The following MRPS28 variants were observed in gnomAD, a reference collection of about 807,000 sequenced individuals.
MRPS28 encodes mitochondrial ribosomal protein S28, also known as small ribosomal subunit protein bS1m.
Under a neutral mutation model 10.8 loss-of-function variants are expected in MRPS28, and 7 were observed. The observed-to-expected ratio is 0.65, with a 90% CI of 0.37 to 1.22. The LOEUF (loss-of-function observed/expected upper bound fraction) is 1.22, where lower values mean the gene tolerates loss of function less well. Among genes scored for constraint, MRPS28 ranks in the 50% most tolerant of loss-of-function variants. The pLI is 0.02. For synonymous variants in MRPS28, 121 were observed against 93.3 expected (o/e 1.30, Z -1.71); for missense variants, 265 against 232.9 (o/e 1.14, Z -0.90).
intron 2 of MRPS28, among the ~76,000 whole-genome samples, chr8:79,951,578 C>T (rs964117945): frequency 2.0e-5 from 3 of 152,154 alleles, no homozygotes; most frequent in African/African-American, 4.8e-5. Flanking sequence ...CAGCCAGCCC[C>T]GGCAGATCTT....
At chr8:79,934,174 T>G (rs1167340904) in intron 2 of MRPS28, among the ~76,000 whole-genome samples, 1 of 152,182 alleles carries the variant, frequency 6.6e-6, no homozygotes, top group Non-Finnish European at 1.5e-5. Context: ...CAGTGTAATC[T>G]GGTTTCAATT....
chr8:80,013,842 G>C (rs1809125926), intron 1 of MRPS28, among the ~76,000 whole-genome samples: 1 of 151,994 alleles, frequency 6.6e-6, no homozygotes, highest in Non-Finnish European at 1.5e-5. Flanking sequence ...GCTCGCAACA[G>C]AGTTCTTTTA....
rs756512452 is a variant in MRPS28 at position 80,030,236 on chromosome 8, A to T, written c.13T>A (p.Cys5Ser). 4 of 1,614,000 alleles carry T rather than the reference A, an allele frequency of 2.5e-6. No homozygotes were observed. Among genetic ancestry groups the T allele is most frequent in the Non-Finnish European group, 3.4e-6 (4 of 1,180,016 alleles). The change falls in exon 1 of 3, where the codon TGT becomes AGT. Residue 5 changes from cysteine (C) to serine (S), a missense_variant. Coordinates refer to ENST00000276585, the MANE Select transcript of MRPS28 (RefSeq NM_014018.3). MAAL[C>S]RTRAVAAESH... The stretch of plus-strand genomic sequence containing the variant: ...TCGGCAGCCACAGCACGGGTCCGAC[A>T]CAGCGCCGCCATGACTTCTTTACCT...
chr8:79,949,327 T>A (rs1031791658), intron 2 of MRPS28, among the ~76,000 whole-genome samples: 24 of 150,326 alleles, frequency 1.6e-4, no homozygotes, highest in Non-Finnish European at 3.4e-4. Flanking sequence ...AGCAGGAGAA[T>A]CGCTTGAACC....
At chr8:79,947,529 A>G (rs1806950578) in intron 2 of MRPS28, among the ~76,000 whole-genome samples, 1 of 151,910 alleles carries the variant, frequency 6.6e-6, no homozygotes, top group Non-Finnish European at 1.5e-5. Flanking sequence ...GATTCCTTCT[A>G]ATCATCTCTC....
intron 2 of MRPS28, among the ~76,000 whole-genome samples, chr8:79,955,780 G>A (rs1807191093): frequency 6.6e-6 from 1 of 152,094 alleles, no homozygotes; most frequent in African/African-American, 2.4e-5. Context: ...TCAAAACAAA[G>A]GTTTTGGTTG....
intron 2 of MRPS28, among the ~76,000 whole-genome samples, chr8:79,959,916 G>A (rs1438907894): frequency 6.6e-6 from 1 of 152,042 alleles, no homozygotes; most frequent in African/African-American, 2.4e-5. Context: ...TTCTCTTCTT[G>A]AAAAAGCACA....
At chr8:79,920,361 G>C (rs1247090793) in intron 2 of MRPS28, among the ~76,000 whole-genome samples, 1 of 152,122 alleles carries the variant, frequency 6.6e-6, no homozygotes, top group South Asian at 2.1e-4. Context: ...TTGAGGAATT[G>C]CCACACTGTC....
At chr8:79,999,010 C>A (rs1436492061) in intron 2 of MRPS28, among the ~76,000 whole-genome samples, 1 of 151,964 alleles carries the variant, frequency 6.6e-6, no homozygotes. Context: ...TAGCATTATT[C>A]AACTACACAA....
chr8:80,009,961 A>G (rs1037034176), intron 1 of MRPS28, among the ~76,000 whole-genome samples: 1 of 152,208 alleles, frequency 6.6e-6, no homozygotes, highest in African/African-American at 2.4e-5. Context: ...ATCAGTCTGA[A>G]CATGAGTTCC....
At chr8:79,973,185 T>C (rs1807681630) in intron 2 of MRPS28, among the ~76,000 whole-genome samples, 2 of 152,216 alleles carry the variant, frequency 1.3e-5, no homozygotes, top group Admixed American at 6.5e-5. Flanking sequence ...CAACTGTACA[T>C]TCTGGATGTC....
At chr8:80,002,922 C>G in intron 2 of MRPS28, 77 bp downstream of exon 2, 1 of 1,208,680 alleles carries the variant, frequency 8.3e-7, no homozygotes, top group Non-Finnish European at 1.1e-6. Context: ...AAAAAATCAC[C>G]TTTCATTCAA....
chr8:80,005,210 G>A (rs1269311033), intron 1 of MRPS28, among the ~76,000 whole-genome samples: 1 of 152,120 alleles, frequency 6.6e-6, no homozygotes. Context: ...TGAAATGAAG[G>A]AAAAAATGTT....
At chr8:79,945,173 C>G (rs1167826183) in intron 2 of MRPS28, among the ~76,000 whole-genome samples, 2 of 152,048 alleles carry the variant, frequency 1.3e-5, no homozygotes, top group East Asian at 1.9e-4. Flanking sequence ...TCCTGGCAAC[C>G]TAGTCACATG....
intron 2 of MRPS28, among the ~76,000 whole-genome samples, chr8:79,982,369 G>C (rs1254912364): frequency 6.6e-6 from 1 of 152,250 alleles, no homozygotes; most frequent in Non-Finnish European, 1.5e-5. Flanking sequence ...ATTTCCATCT[G>C]AGGTACTGGG....
chr8:79,968,669 C>A (rs540368840), intron 2 of MRPS28, among the ~76,000 whole-genome samples: 1 of 151,670 alleles, frequency 6.6e-6, no homozygotes, highest in Non-Finnish European at 1.5e-5. Flanking sequence ...TCTCCTCTCT[C>A]GCCTTAGGGA....
chr8:79,928,609 T>C (rs969905290), intron 2 of MRPS28, among the ~76,000 whole-genome samples: 13 of 151,842 alleles, frequency 8.6e-5, no homozygotes, highest in African/African-American at 2.9e-4. Context: ...CTGGCTAATT[T>C]TTTGTATTTT....
chr8:79,986,642 G>C (rs1240533830), intron 2 of MRPS28, among the ~76,000 whole-genome samples: 1 of 151,932 alleles, frequency 6.6e-6, no homozygotes, highest in Admixed American at 6.6e-5. Flanking sequence ...CAGACAAACA[G>C]AGAGCCAAAT....
intron 2 of MRPS28, among the ~76,000 whole-genome samples, chr8:79,942,300 G>C (rs1464382058): frequency 6.6e-6 from 1 of 152,182 alleles, no homozygotes; most frequent in African/African-American, 2.4e-5. Context: ...AAGCAGCACA[G>C]TACTTTGGGG....
Sources: gnomAD v4.1 joint callset for allele counts (sites outside exome capture counted in the v4.1 genomes callset) on GRCh38, gnomAD v4.1.1 for gene constraint, MANE v1.5 for transcripts, NCBI Gene and HGNC (gene_info 2026-07-23, HGNC 2026-07-21) for gene names.